Variants in FADS3 observed in about 807,000 individuals in gnomAD.
The protein encoded by FADS3 is cytochrome b5-related protein.
In FADS3, 30 loss-of-function variants were observed where a neutral mutation model predicts 60.4. That is an observed-to-expected ratio of 0.50 (90% CI 0.37 to 0.67). The LOEUF is 0.67. FADS3 is among the 30% of genes least tolerant of loss of function. The probability of loss-of-function intolerance (pLI) is 0.00; values close to 1 mark genes in which losing one functional copy is unlikely to be tolerated. For synonymous variants in FADS3, 234 were observed against 249.3 expected, an observed-to-expected ratio of 0.94 and a Z score of 0.58; for missense variants, 432 against 598.3, an observed-to-expected ratio of 0.72 and a Z score of 2.90.
chr11:61,879,746 C>T (rs938034455), intron 2 of FADS3, among the ~76,000 whole-genome samples: 4 of 152,202 alleles, frequency 2.6e-5, no homozygotes, highest in Non-Finnish European at 5.9e-5. Flanking sequence ...GAAATCAGTT[C>T]ATCAAAATCC....
In FADS3 at chr11:61,880,157, G is replaced by A. The variant is rs1463618582; in HGVS notation, c.214-6C>T. The stretch of plus-strand genomic sequence containing the variant: ...TGGAAGGCACGGAAGGCATCCTGAA[G>A]GAGAGCAGACAGTCAGGCGGACAGA... On this transcript the variant is annotated splice_region_variant and splice_polypyrimidine_tract_variant and intron_variant, in intron 1 of 11. Transcript: ENST00000278829. 1 of 1,612,262 alleles carries A rather than the reference G, an allele frequency of 6.2e-7. No individual in the cohort carries two copies. The highest frequency in any genetic ancestry group is 1.3e-5 in the African/African-American group (1 of 74,924).
chr11:61,876,740 C>T lies in FADS3; in HGVS notation c.983+126G>A. 2.3e-6 allele frequency: 2 copies of T among 851,064 alleles called. No homozygotes were observed. The highest frequency in any genetic ancestry group is 3.9e-6 in the Non-Finnish European group (2 of 517,242). 52.7% of individuals were successfully genotyped at this position (851,064 alleles called of 1,614,324 possible). A position where few individuals can be genotyped will look rare whatever the true frequency, so the allele number is the denominator to read the frequency against. On this transcript the variant is annotated intron_variant, in intron 8 of 11. Coordinates refer to ENST00000278829, the MANE Select transcript of FADS3 (RefSeq NM_021727.5). The surrounding 1 kb of genome is among the most constrained non-coding windows in gnomAD (Gnocchi z 5.7). ...TGCCACGCTTGTGTTTATGTGATTCCACCAGCAAGCCAGGGAGGCAGTACC... is the reference window on the plus strand; with the variant it reads ...TGCCACGCTTGTGTTTATGTGATTCTACCAGCAAGCCAGGGAGGCAGTACC...
chr11:61,890,851 A>T (rs2136004477), intron 1 of FADS3, among the ~76,000 whole-genome samples: 1 of 152,284 alleles, frequency 6.6e-6, no homozygotes, highest in Middle Eastern at 3.4e-3. Context: ...CCCAGAACTG[A>T]AACAGGGACC....
chr11:61,890,302 G>C (rs1938458645), intron 1 of FADS3: 1 of 152,220 alleles, frequency 6.6e-6, no homozygotes, highest in Non-Finnish European at 1.5e-5. Context: ...GACGCCGACA[G>C]TCCTGGGACT....
intron 1 of FADS3, among the ~76,000 whole-genome samples, chr11:61,889,573 G>A (rs553818068): frequency 1.1e-3 from 162 of 152,282 alleles, no homozygotes; most frequent in African/African-American, 3.8e-3. Flanking sequence ...CTTGAACCTG[G>A]GAGGCGGAGG....
Position 61,877,735 on chromosome 11 carries a change from A to T in FADS3, c.809-148T>A. On this transcript the variant is annotated intron_variant, in intron 6 of 11. Coordinates refer to ENST00000278829, the MANE Select transcript of FADS3 (RefSeq NM_021727.5). The surrounding 1 kb of genome is among the most constrained non-coding windows in gnomAD (Gnocchi z 4.7). ...GCTGAATGACCCCATATCACCCCCAATTCTGTGTCCAAGCCTCCCCAGGCT... is the reference window on the plus strand; with the variant it reads ...GCTGAATGACCCCATATCACCCCCATTTCTGTGTCCAAGCCTCCCCAGGCT... 1 of 712,462 alleles carries T rather than the reference A, an allele frequency of 1.4e-6. No individual in the cohort carries two copies. The highest frequency in any genetic ancestry group is 1.7e-5 in the South Asian group (1 of 57,374). The allele number at this position is 712,462 out of a possible 1,614,324, so 44.1% of individuals were successfully genotyped here.
intron 11 of FADS3, 114 bp downstream of exon 11, chr11:61,875,737 C>T (rs916197819): frequency 9.3e-6 from 12 of 1,288,828 alleles, no homozygotes; most frequent in African/African-American, 4.4e-5. Flanking sequence ...GGGCATGGGA[C>T]GTGGACAGAA....
chr11:61,877,450 C>T lies in FADS3; in HGVS notation c.885+61G>A. On this transcript the variant is annotated intron_variant, in intron 7 of 11. Coordinates refer to ENST00000278829, the MANE Select transcript of FADS3 (RefSeq NM_021727.5). This position sits in a 1 kb window ranked among gnomAD's most constrained non-coding sequence, Gnocchi z 4.7. ...TGCCTTCATGGGCAGGTACTGTCCC[C>T]CGAGGCACCACCTCCTGCCACGGCA... is the stretch of plus-strand genomic sequence containing the variant. 1 of 1,535,024 alleles carries T rather than the reference C, an allele frequency of 6.5e-7. No homozygotes were observed. The highest frequency in any genetic ancestry group is 1.1e-5 in the South Asian group (1 of 89,664).
chr11:61,877,057 C>T lies in FADS3; in HGVS notation c.886-94G>A. The T allele has an allele frequency of 1.2e-6, 1 of 848,234 alleles. No homozygotes were observed. Among genetic ancestry groups the T allele is most frequent in the Non-Finnish European group, 1.8e-6 (1 of 554,286 alleles). The allele number at this position is 848,234 out of a possible 1,614,324, so 52.5% of individuals were successfully genotyped here. A position where few individuals can be genotyped will look rare whatever the true frequency, so the allele number is the denominator to read the frequency against. ...GGGAGGAGGACCTCAGGCATCCAAC[C>T]CTTCTGCCTGATTTGCCTCAGAGCC... On this transcript the variant is annotated intron_variant, in intron 7 of 11. Transcript: ENST00000278829. The surrounding 1 kb of genome is among the most constrained non-coding windows in gnomAD (Gnocchi z 4.7).
intron 5 of FADS3, 64 bp from the exon 6 acceptor site, chr11:61,878,279 G>C: frequency 6.5e-7 from 1 of 1,550,318 alleles, no homozygotes; most frequent in Non-Finnish European, 8.9e-7. Flanking sequence ...CCCGGGCAAG[G>C]TCACGGGGCT....
chr11:61,881,776 T>G (rs1938139343), intron 1 of FADS3: 1 of 152,110 alleles, frequency 6.6e-6, no homozygotes, highest in African/African-American at 2.4e-5. Flanking sequence ...ACCTACATGA[T>G]CTACTAGGGG....
At chr11:61,878,710 A>C (rs892483420) in intron 4 of FADS3, 36 bp downstream of exon 4, 2 of 1,612,078 alleles carry the variant, frequency 1.2e-6, no homozygotes, top group African/African-American at 2.7e-5. Context: ...ACCCAGCGCC[A>C]CCCAGCACCT....
rs1937765775 is a variant in FADS3, at chr11:61,873,805, G to C, written c.*9C>G. On this transcript the variant is annotated 3_prime_UTR_variant, in exon 12 of 12. Transcript: ENST00000278829. ...CCTGAGCCCTTCTCTGCCCGCCTGG[G>C]TGTTGCCTTCACTGATGGAGGTAGG... The C allele has an allele frequency of 1.9e-6, 3 of 1,609,284 alleles. No homozygotes were observed. The highest frequency in any genetic ancestry group is 2.7e-5 in the African/African-American group (2 of 74,682).
chr11:61,890,469 T>A (rs141997738), intron 1 of FADS3: 5 of 152,414 alleles, frequency 3.3e-5, no homozygotes, highest in African/African-American at 1.2e-4. Context: ...GGTGGGTAAC[T>A]AAGGAAAAGG....
rs373299895 is a variant in FADS3, at chr11:61,884,441, C to T, written c.214-4290G>A. Among the ~76,000 whole-genome samples the T allele has an allele frequency of 6.6e-5, 10 of 152,320 alleles. No homozygotes were observed. The South Asian group carries it at 1.5e-3, about 22-fold the overall frequency. On this transcript the variant is annotated intron_variant, in intron 1 of 11. Transcript: ENST00000278829. ...TGTATACCTATGTAACAAACCTGCA[C>T]ATTCTGCACGTTTCCCGGAACTTAA...
intron 2 of FADS3, 35 bp downstream of exon 2, chr11:61,880,006 T>C: frequency 6.4e-7 from 1 of 1,552,100 alleles, no homozygotes; most frequent in Non-Finnish European, 8.9e-7. Flanking sequence ...TCCCCCTCCC[T>C]CAGGGGCTGA....
chr11:61,885,427 C>A (rs1353639398), intron 1 of FADS3, among the ~76,000 whole-genome samples: 2 of 152,154 alleles, frequency 1.3e-5, no homozygotes, highest in Non-Finnish European at 2.9e-5. Context: ...TTAGAAGGGG[C>A]CTGGCGGTTG....
rs1308078246 is a variant in FADS3, at chr11:61,891,180, C to T, written c.202G>A (p.Glu68Lys). The T allele has an allele frequency of 6.4e-7, 1 of 1,561,488 alleles. No homozygotes were observed. ...GSRLIGHHGA[E>K]DATDAFRAFH... ...TATGGCTTCCTTACCGTGGCGTCCT[C>T]AGCGCCGTGGTGGCCGATGAGGCGG... The change falls in exon 1 of 12, where the codon GAG (glutamate) becomes AAG (lysine). Residue 68 changes from glutamate to lysine, a missense_variant. Around this residue, in one of 5 missense-constraint regions of FADS3, gnomAD observed 167 missense variants for 188.8 expected, o/e 0.88. Transcript: ENST00000278829.
intron 1 of FADS3, among the ~76,000 whole-genome samples, chr11:61,887,678 T>G (rs1938362142): frequency 6.6e-6 from 1 of 152,220 alleles, no homozygotes; most frequent in Admixed American, 6.5e-5. Context: ...TGTGAACTCA[T>G]TCCCTGTAGA....
Sources: gnomAD v4.1 joint callset for allele counts (sites outside exome capture counted in the v4.1 genomes callset) on GRCh38, gnomAD v4.1.1 for gene constraint, gnomAD v4.1.1 regional missense constraint, Gnocchi (gnomAD v3.1) non-coding constraint, MANE v1.5 for transcripts, NCBI Gene and HGNC (gene_info 2026-07-23, HGNC 2026-07-21) for gene names.